Variants in IQCE observed in about 807,000 individuals in gnomAD.
IQCE encodes the protein IQ domain-containing protein E.
A neutral mutation model predicts 96.0 loss-of-function variants in IQCE; 115 were observed. The ratio of observed to expected loss-of-function variants is 1.20; its 90% CI spans 1.03 to 1.40. The LOEUF is 1.40. Ranked by LOEUF, IQCE falls within the 40% of genes most tolerant of loss-of-function variation. The probability of loss-of-function intolerance (pLI) is 0.00; values close to 1 mark genes in which losing one functional copy is unlikely to be tolerated. For missense variants in IQCE, 1,041 were observed against 909.1 expected (o/e 1.15, Z -1.87); for synonymous variants, 412 against 371.2 (o/e 1.11, Z -1.26).
chr7:2,563,653 C>G (rs193265855), intron 1 of IQCE, among the ~76,000 whole-genome samples: 6 of 152,066 alleles, frequency 3.9e-5, no homozygotes, highest in Admixed American at 6.6e-5. Context: ...CACTCACTTT[C>G]GGAGGCCGAG....
At chr7:2,568,730 C>G (rs769568494) in intron 2 of IQCE, among the ~76,000 whole-genome samples, 19 of 152,206 alleles carry the variant, frequency 1.2e-4, no homozygotes, top group Non-Finnish European at 2.1e-4. Context: ...GTAATTGGAA[C>G]TTGTGCTCTG....
At chr7:2,562,814 A>G (rs2917722) in intron 1 of IQCE, among the ~76,000 whole-genome samples, 143,981 of 151,584 alleles carry the variant, frequency 0.95, 68,437 homozygotes, top group East Asian at 1. Context: ...TCTGAAGGTG[A>G]AAGTTTAGAT....
At position 2,559,283 on chromosome 7, in the gene IQCE, C is replaced by G. The variant is rs915738229; in HGVS notation, c.36+66C>G. The G allele has an allele frequency of 2.9e-6, 3 of 1,046,210 alleles. No homozygotes were observed. The African/African-American group carries it at 5.0e-5, about 18-fold the overall frequency. 64.8% of individuals were successfully genotyped at this position (1,046,210 alleles called of 1,614,324 possible). A position where few individuals can be genotyped will look rare whatever the true frequency, so the allele number is the denominator to read the frequency against. On this transcript the variant is annotated intron_variant, in intron 1 of 21. Coordinates refer to ENST00000402050, the MANE Select transcript of IQCE (RefSeq NM_152558.5). ...GAGGCCTCGGCTCGTCTCCGTCGCC[C>G]GCAGCCTCGGGGCCCCGCGCAGGGG...
At chr7:2,589,863 A>G (rs1479829534) in intron 13 of IQCE, 44 bp from the exon 14 acceptor site, 2 of 1,572,948 alleles carry the variant, frequency 1.3e-6, no homozygotes, top group Admixed American at 1.7e-5. Context: ...AATAGAAAGT[A>G]GAAATGAGAA....
intron 1 of IQCE, among the ~76,000 whole-genome samples, chr7:2,564,211 C>T (rs1781192620): frequency 6.6e-6 from 1 of 151,726 alleles, no homozygotes. Context: ...GACTCCACCT[C>T]AAAAAAACAA....
intron 18 of IQCE, among the ~76,000 whole-genome samples, chr7:2,603,178 C>T (rs988722910): frequency 2.0e-5 from 3 of 152,170 alleles, no homozygotes; most frequent in African/African-American, 7.2e-5. Flanking sequence ...CCCGAGGTCT[C>T]CAGCATGTCA....
chr7:2,580,537 G>C (rs1782584734), intron 8 of IQCE, among the ~76,000 whole-genome samples: 1 of 152,102 alleles, frequency 6.6e-6, no homozygotes. Flanking sequence ...ACTTGAACTT[G>C]GGAGGTGGAG....
At position 2,610,155 on chromosome 7, in the gene IQCE, C is replaced by T; in HGVS notation, c.2081C>T (p.Pro694Leu). The T allele has an allele frequency of 1.3e-6, 2 of 1,585,332 alleles. No homozygotes were observed. Among genetic ancestry groups the T allele is most frequent in the African/African-American group, 1.3e-5 (1 of 74,590 alleles). The stretch of plus-strand genomic sequence containing the variant: ...CCGTCTCTGCCCACGAAGAACTTTC[C>T]AGTTTAGGTCCCCGTCACTGTCTCC... ...IAPSLPTKNF[P>L]V Residue 694 changes from proline to leucine, a missense_variant, in exon 22 of 22, where the codon CCA (proline) becomes CTA (leucine). Coordinates refer to ENST00000402050, the MANE Select transcript of IQCE (RefSeq NM_152558.5).
intron 6 of IQCE, among the ~76,000 whole-genome samples, chr7:2,573,738 G>C (rs991719546): frequency 3.3e-5 from 5 of 152,220 alleles, no homozygotes; most frequent in Non-Finnish European, 5.9e-5. Flanking sequence ...GCACGATGGA[G>C]AAGACTGGAT....
At chr7:2,577,649 GC>G (rs1782263746) in intron 6 of IQCE, among the ~76,000 whole-genome samples, 1 of 83,164 alleles carries the variant, frequency 1.2e-5, no homozygotes, top group South Asian at 4.6e-4. Context: ...ATTGGCGTGT[GC>G]TTGGCTGTGC....
At chr7:2,609,003 C>G (rs1411096242) in intron 21 of IQCE, among the ~76,000 whole-genome samples, 4 of 152,214 alleles carry the variant, frequency 2.6e-5, no homozygotes, top group African/African-American at 7.2e-5. Flanking sequence ...TTTTTAAAAT[C>G]TCACATGAGC....
At chr7:2,566,520 C>T (rs1781388642) in intron 1 of IQCE, 1 of 141,524 alleles carries the variant, frequency 7.1e-6, no homozygotes, top group Non-Finnish European at 1.5e-5. Context: ...AGTGCAGTGG[C>T]ATGATTATGA....
At chr7:2,586,780 A>G (rs1182571202) in intron 12 of IQCE, among the ~76,000 whole-genome samples, 2 of 152,152 alleles carry the variant, frequency 1.3e-5, no homozygotes, top group African/African-American at 4.8e-5. Context: ...GGGGCGAGAT[A>G]GCCATGAAGA....
Position 2,613,394 on chromosome 7 carries a change from G to C in IQCE, c.*3232G>C, listed in dbSNP as rs3203952. ...GGAGGGCTCCAGGGACATCCTTGGA[G>C]ATACAGGAGGCTTTCCTGGCACAGG... On this transcript the variant is annotated 3_prime_UTR_variant, in exon 22 of 22. Transcript: ENST00000402050. 4 of 152,242 alleles carry C rather than the reference G, an allele frequency of 2.6e-5. No individual in the cohort carries two copies. The highest frequency in any genetic ancestry group is 3.4e-3 in the Middle Eastern group (1 of 294). The allele number at this position is 152,242 out of a possible 1,614,324, so 9.4% of individuals were successfully genotyped here.
chr7:2,568,940 C>T lies in IQCE; in HGVS notation c.85-14C>T. The T allele has an allele frequency of 6.2e-7, 1 of 1,611,300 alleles. No individual in the cohort carries two copies. Among genetic ancestry groups the T allele is most frequent in the Non-Finnish European group, 8.5e-7 (1 of 1,179,670 alleles). Reference sequence around the variant, plus strand: ...GAGCTCAGCAAGCCTTATGCCATTTCTTCTTTCTTTCAGAAAGCAAAAAGG... The same window carrying T: ...GAGCTCAGCAAGCCTTATGCCATTTTTTCTTTCTTTCAGAAAGCAAAAAGG... On this transcript the variant is annotated splice_polypyrimidine_tract_variant and intron_variant, in intron 2 of 21. Transcript: ENST00000402050.
At chr7:2,581,866 C>T (rs573872665) in intron 8 of IQCE, among the ~76,000 whole-genome samples, 16 of 152,170 alleles carry the variant, frequency 1.1e-4, no homozygotes, top group Admixed American at 4.6e-4. Flanking sequence ...CCCGCCACCG[C>T]GCCTGGCTAA....
rs550037111 is a variant in IQCE, at chr7:2,598,167, G to A, written c.1441-298G>A. On this transcript the variant is annotated intron_variant, in intron 16 of 21. Coordinates refer to ENST00000402050, the MANE Select transcript of IQCE (RefSeq NM_152558.5). ...TGACTGAGTGTAGTGAGTGTGTGAC[G>A]GCCGTGTGAAGAAGCGTCCTCTCTC... 3.0e-5 allele frequency: 9 copies of A among 301,784 alleles called. No individual in the cohort carries two copies. In the East Asian group the frequency reaches 4.2e-4, roughly 14 times the overall value. 18.7% of individuals were successfully genotyped at this position (301,784 alleles called of 1,614,324 possible). A position where few individuals can be genotyped will look rare whatever the true frequency, so the allele number is the denominator to read the frequency against.
At chr7:2,584,925 T>C (rs1320894789) in intron 11 of IQCE, among the ~76,000 whole-genome samples, 1 of 152,224 alleles carries the variant, frequency 6.6e-6, no homozygotes, top group African/African-American at 2.4e-5. Context: ...CAGGTTTCTG[T>C]AGTGTAGTGG....
chr7:2,601,146 C>T (rs1287670535), intron 17 of IQCE, among the ~76,000 whole-genome samples: 1 of 152,234 alleles, frequency 6.6e-6, no homozygotes, highest in Non-Finnish European at 1.5e-5. Flanking sequence ...CTAATGGAGT[C>T]CCTTCTGCAC....
Sources: allele counts gnomAD v4.1 joint callset (sites outside exome capture counted in the v4.1 genomes callset), GRCh38; gene constraint gnomAD v4.1.1; transcripts MANE v1.5; gene names NCBI Gene and HGNC (gene_info 2026-07-23, HGNC 2026-07-21).